SGCZ: variants seen among roughly 807,000 people sequenced by gnomAD.
The protein encoded by SGCZ is sarcoglycan zeta.
A neutral mutation model predicts 41.3 loss-of-function variants in SGCZ; 40 were observed. That is an observed-to-expected ratio of 0.97 (90% CI 0.75 to 1.26). The LOEUF is 1.26. SGCZ is among the 50% of genes most tolerant of loss of function. The probability of loss-of-function intolerance (pLI) is 0.00; values close to 1 mark genes in which losing one functional copy is unlikely to be tolerated. For synonymous variants in SGCZ, 206 were observed against 137.5 expected (o/e 1.50, Z -3.49); for missense variants, 552 against 369.8 (o/e 1.49, Z -4.04).
Position 14,680,549 on chromosome 8 carries a change from C to T in SGCZ, c.40-125623G>A, listed in dbSNP as rs188498081. Among the ~76,000 whole-genome samples the T allele has an allele frequency of 1.4e-3, 215 of 149,268 alleles. 1 individual carries two copies. The highest frequency in any genetic ancestry group is 4.2e-3 in the African/African-American group (175 of 41,290). On this transcript the variant is annotated intron_variant, in intron 1 of 7. Coordinates refer to ENST00000382080, the MANE Select transcript of SGCZ (RefSeq NM_139167.4). ...ATGAAATAAAAATCACTCATATAAA[C>T]GGAGCAAGAAATCTCACAGATATAA...
At chr8:14,347,826 C>G (rs544789265) in intron 2 of SGCZ, among the ~76,000 whole-genome samples, 1 of 152,174 alleles carries the variant, frequency 6.6e-6, no homozygotes, top group East Asian at 1.9e-4. Flanking sequence ...TGAAATAATT[C>G]TATTCATACA....
At chr8:14,301,000 A>G (rs1801165723) in intron 3 of SGCZ, among the ~76,000 whole-genome samples, 1 of 151,968 alleles carries the variant, frequency 6.6e-6, no homozygotes, top group Non-Finnish European at 1.5e-5. Context: ...AAGCTCGTAT[A>G]TATGAGTAAG....
At chr8:14,167,643 G>C in intron 4 of SGCZ, among the ~76,000 whole-genome samples, 1 of 152,114 alleles carries the variant, frequency 6.6e-6, no homozygotes, top group Middle Eastern at 3.2e-3. Flanking sequence ...AAAAAGACTG[G>C]AGTATTAGAT....
intron 1 of SGCZ, among the ~76,000 whole-genome samples, chr8:14,734,293 T>C (rs936991520): frequency 1.8e-4 from 28 of 152,028 alleles, no homozygotes; most frequent in Admixed American, 1.1e-3. Flanking sequence ...AAATAAGATA[T>C]CTACAAAATT....
intron 1 of SGCZ, among the ~76,000 whole-genome samples, chr8:14,964,633 G>C (rs1313695704): frequency 1.3e-5 from 2 of 152,198 alleles, no homozygotes; most frequent in African/African-American, 4.8e-5. Context: ...ACCCTGAAAA[G>C]TGGTCCTGAA....
chr8:14,408,236 G>A (rs75482575), intron 2 of SGCZ, among the ~76,000 whole-genome samples: 1 of 152,238 alleles, frequency 6.6e-6, no homozygotes, highest in East Asian at 1.9e-4. Flanking sequence ...GGGAACTGCT[G>A]TATTTGCAGT....
At chr8:14,428,678 T>A (rs972968460) in intron 2 of SGCZ, among the ~76,000 whole-genome samples, 2 of 152,188 alleles carry the variant, frequency 1.3e-5, no homozygotes, top group African/African-American at 4.8e-5. Context: ...GTTACGTGCA[T>A]CCAACCAACT....
chr8:14,333,119 A>G (rs1223077346), intron 2 of SGCZ, among the ~76,000 whole-genome samples: 1 of 152,124 alleles, frequency 6.6e-6, no homozygotes, highest in Non-Finnish European at 1.5e-5. Flanking sequence ...GCTCAGTCTA[A>G]TATTAGTTAC....
At chr8:14,353,511 C>T (rs899179892) in intron 2 of SGCZ, among the ~76,000 whole-genome samples, 1 of 152,062 alleles carries the variant, frequency 6.6e-6, no homozygotes, top group African/African-American at 2.4e-5. Flanking sequence ...TTTAAGGTGT[C>T]TTCCCCATTC....
chr8:14,634,212 T>C (rs1400271622), intron 1 of SGCZ, among the ~76,000 whole-genome samples: 1 of 151,886 alleles, frequency 6.6e-6, no homozygotes, highest in Non-Finnish European at 1.5e-5. Flanking sequence ...CAGTCAGATT[T>C]TCATGAGTAA....
At chr8:14,667,158 C>G (rs966561614) in intron 1 of SGCZ, among the ~76,000 whole-genome samples, 1 of 151,924 alleles carries the variant, frequency 6.6e-6, no homozygotes, top group Admixed American at 6.6e-5. Context: ...TATTCTGAAA[C>G]CATTCTTTGG....
intron 4 of SGCZ, among the ~76,000 whole-genome samples, chr8:14,231,405 A>G (rs1806567640): frequency 6.6e-6 from 1 of 151,974 alleles, no homozygotes; most frequent in South Asian, 2.1e-4. Flanking sequence ...TCATGAGGTC[A>G]TGTTATTTCA....
intron 1 of SGCZ, among the ~76,000 whole-genome samples, chr8:14,845,295 T>C (rs1028690662): frequency 1.3e-5 from 2 of 152,194 alleles, no homozygotes; most frequent in East Asian, 1.9e-4. Context: ...CACTGAGTAC[T>C]GCTCCAGACA....
At chr8:15,217,952 G>A (rs1801469429) in intron 1 of SGCZ, among the ~76,000 whole-genome samples, 2 of 152,152 alleles carry the variant, frequency 1.3e-5, no homozygotes, top group Admixed American at 1.3e-4. Flanking sequence ...CAAACGGGGT[G>A]GCGTGTGCTT....
At chr8:15,178,691 C>G (rs1374280559) in intron 1 of SGCZ, among the ~76,000 whole-genome samples, 1 of 152,138 alleles carries the variant, frequency 6.6e-6, no homozygotes, top group Non-Finnish European at 1.5e-5. Flanking sequence ...GAGCTATAAT[C>G]AAAGACAGAA....
intron 1 of SGCZ, among the ~76,000 whole-genome samples, chr8:15,147,464 G>C (rs775198978): frequency 6.6e-5 from 10 of 152,110 alleles, no homozygotes; most frequent in Non-Finnish European, 1.3e-4. Flanking sequence ...TTTTAGTGGA[G>C]ACGGGGATTC....
At chr8:14,282,425 T>G (rs1042458018) in intron 3 of SGCZ, among the ~76,000 whole-genome samples, 6 of 152,194 alleles carry the variant, frequency 3.9e-5, no homozygotes, top group African/African-American at 1.4e-4. Context: ...TAACTATCTC[T>G]TGATCCCTCC....
intron 4 of SGCZ, among the ~76,000 whole-genome samples, chr8:14,215,223 T>C (rs1272192448): frequency 1.3e-5 from 2 of 152,168 alleles, no homozygotes; most frequent in East Asian, 3.8e-4. Context: ...CAGGAAAATT[T>C]TCAAACACTT....
At chr8:14,146,220 C>T (rs1196846603) in intron 5 of SGCZ, among the ~76,000 whole-genome samples, 1 of 152,134 alleles carries the variant, frequency 6.6e-6, no homozygotes, top group Admixed American at 6.5e-5. Context: ...ACAAAAAGAG[C>T]TCCAACAGGT....
Sources: allele counts gnomAD v4.1 joint callset (sites outside exome capture counted in the v4.1 genomes callset), GRCh38; gene constraint gnomAD v4.1.1; transcripts MANE v1.5; gene names NCBI Gene and HGNC (gene_info 2026-07-23, HGNC 2026-07-21).